The following AS3MT variants were observed in gnomAD, a reference collection of about 807,000 sequenced individuals.
AS3MT encodes the protein arsenite methyltransferase.
In AS3MT, 47 loss-of-function variants were observed where a neutral mutation model predicts 45.3. That is an observed-to-expected ratio of 1.04 (90% confidence interval 0.82 to 1.32). The LOEUF (loss-of-function observed/expected upper bound fraction) is 1.32. Ranked by LOEUF, AS3MT falls within the 40% of genes most tolerant of loss-of-function variation. AS3MT has a pLI of 0.00. For synonymous variants in AS3MT, 141 were observed against 152.8 expected, an observed-to-expected ratio of 0.92 and a Z score of 0.57; for missense variants, 396 against 451.1, an observed-to-expected ratio of 0.88 and a Z score of 1.11.
At chr10:102,885,089 C>G (rs1590224849) in intron 9 of AS3MT, among the ~76,000 whole-genome samples, 1 of 152,150 alleles carries the variant, frequency 6.6e-6, no homozygotes, top group African/African-American at 2.4e-5. Flanking sequence ...GGTCTTATTT[C>G]TTCTTATTAA....
Position 102,870,201 on chromosome 10 carries a change from G to A in AS3MT, c.160G>A (p.Val54Ile). The A allele has an allele frequency of 6.2e-7, 1 of 1,614,186 alleles. No individual in the cohort carries two copies. The highest frequency in any genetic ancestry group is 8.5e-7 in the Non-Finnish European group (1 of 1,180,030). Residue 54 changes from valine (V) to isoleucine (I), a missense_variant, in exon 3 of 11, where the codon GTA becomes ATA. Physicochemically the swap from Val to Ile is conservative, Grantham distance 29. Coordinates refer to ENST00000369880, the MANE Select transcript of AS3MT (RefSeq NM_020682.4). ...AGCCTTGCAAAATGTACACGAAGAA[G>A]TAGCCCTAAGGTAGAGTGCCCTGTG... ...REALQNVHEE[V>I]ALRYYGCGLV...
intron 9 of AS3MT, among the ~76,000 whole-genome samples, chr10:102,889,842 A>AT (rs1341533276): frequency 2.0e-5 from 3 of 151,348 alleles, no homozygotes; most frequent in Non-Finnish European, 2.9e-5. Flanking sequence ...TACCCAGCTA[A>AT]TTTTTTTGTA....
At chr10:102,880,439 C>A (rs1844855019) in intron 9 of AS3MT, among the ~76,000 whole-genome samples, 1 of 152,120 alleles carries the variant, frequency 6.6e-6, no homozygotes, top group Admixed American at 6.6e-5. Flanking sequence ...TCCTATCATA[C>A]CATGATTTAG....
chr10:102,888,881 A>ATATTTTTT (rs1491503446), intron 9 of AS3MT, among the ~76,000 whole-genome samples: 19 of 52,520 alleles, frequency 3.6e-4, no homozygotes, highest in African/African-American at 7.0e-4. Flanking sequence ...ATATATATAT[A>ATATTTTTT]TTTTTTTTTT....
At chr10:102,886,221 G>C (rs1214970305) in intron 9 of AS3MT, among the ~76,000 whole-genome samples, 1 of 151,150 alleles carries the variant, frequency 6.6e-6, no homozygotes, top group Admixed American at 6.6e-5. Flanking sequence ...TGCTTTTATA[G>C]TTCCCTCATG....
chr10:102,900,311 C>T (rs10786722), intron 10 of AS3MT, among the ~76,000 whole-genome samples: 45,510 of 152,042 alleles, frequency 0.3, 7,065 homozygotes, highest in East Asian at 0.47. Flanking sequence ...CAAATGACAA[C>T]CCCACAAAAC....
At chr10:102,882,935 T>C (rs1590223577) in intron 9 of AS3MT, among the ~76,000 whole-genome samples, 1 of 152,052 alleles carries the variant, frequency 6.6e-6, no homozygotes, top group Admixed American at 6.6e-5. Flanking sequence ...GTGGAGCCCT[T>C]AATGCTTTTC....
intron 9 of AS3MT, among the ~76,000 whole-genome samples, chr10:102,889,148 C>T (rs925523824): frequency 1.3e-5 from 2 of 151,992 alleles, no homozygotes; most frequent in East Asian, 3.9e-4. Context: ...CCTCGGCCTC[C>T]CAAAGTGCTG....
Position 102,869,860 on chromosome 10 carries a change from G to T in AS3MT, c.42+15G>T, listed in dbSNP as rs767408033. ...AGGACGTGCAGGTGAGAGCTGTAGG[G>T]CCTGGAATGGCCCAAGTGGAGCCTA... On this transcript the variant is annotated intron_variant, in intron 2 of 10. Coordinates refer to ENST00000369880, the MANE Select transcript of AS3MT (RefSeq NM_020682.4). The T allele has an allele frequency of 1.2e-6, 2 of 1,613,648 alleles. No homozygotes were observed. Among genetic ancestry groups the T allele is most frequent in the East Asian group, 2.2e-5 (1 of 44,884 alleles).
Position 102,901,092 on chromosome 10 carries a change from C to CAAAAAAAAAAAA in AS3MT, c.*400_*411dup, listed in dbSNP as rs370301616. ...ACAGAGCAAGACTCTGTCTCAAAAG[C>CAAAAAAAAAAAA]AAAAAAAAAAAAAAAAAAAGAAAGA... On this transcript the variant is annotated 3_prime_UTR_variant, in exon 11 of 11. Transcript: ENST00000369880. 3 of 75,808 alleles carry CAAAAAAAAAAAA rather than the reference C, an allele frequency of 4.0e-5. No individual in the cohort carries two copies. The highest frequency in any genetic ancestry group is 1.1e-4 in the African/African-American group (2 of 18,816). 4.7% of individuals were successfully genotyped at this position (75,808 alleles called of 1,614,324 possible). A position where few individuals can be genotyped will look rare whatever the true frequency, so the allele number is the denominator to read the frequency against.
chr10:102,885,337 T>A (rs1265984300), intron 9 of AS3MT, among the ~76,000 whole-genome samples: 1 of 151,354 alleles, frequency 6.6e-6, no homozygotes, highest in African/African-American at 2.4e-5. Context: ...TTATTTTATT[T>A]TATTTTTTTG....
rs2134138269 is a variant in AS3MT, at chr10:102,901,675, G to A, written c.*975G>A. ...AAGGCATCAGAAGAAGTAACAGTTG[G>A]CAGAGGGTCTCAGGAAAAACATCTT... On this transcript the variant is annotated 3_prime_UTR_variant, in exon 11 of 11. Transcript: ENST00000369880. 1 of 152,234 alleles carries A rather than the reference G, an allele frequency of 6.6e-6. No individual in the cohort carries two copies. The highest frequency in any genetic ancestry group is 2.1e-4 in the South Asian group (1 of 4,826). 9.4% of individuals were successfully genotyped at this position (152,234 alleles called of 1,614,324 possible).
At chr10:102,879,226 C>CAT (rs1844835577) in intron 9 of AS3MT, among the ~76,000 whole-genome samples, 1 of 152,144 alleles carries the variant, frequency 6.6e-6, no homozygotes, top group Non-Finnish European at 1.5e-5. Context: ...GTAGCACAAT[C>CAT]ATAGTTCACT....
In AS3MT at chr10:102,890,468, G is replaced by A. The variant is rs1181480880; in HGVS notation, c.886-76G>A. On this transcript the variant is annotated intron_variant, in intron 9 of 10. Coordinates refer to ENST00000369880, the MANE Select transcript of AS3MT (RefSeq NM_020682.4). ...GTGCTGGTGAGGATGTGGAGAAAAC[G>A]ATACTTCTGGGCATTTTTTCTTCTA... 1.0e-5 allele frequency: 13 copies of A among 1,276,634 alleles called. No homozygotes were observed. In the Admixed American group the frequency reaches 1.2e-4, roughly 12 times the overall value. 79.1% of individuals were successfully genotyped at this position (1,276,634 alleles called of 1,614,324 possible).
At chr10:102,870,046 C>G in intron 2 of AS3MT, 38 bp from the exon 3 acceptor site, 1 of 1,605,284 alleles carries the variant, frequency 6.2e-7, no homozygotes, top group Non-Finnish European at 8.5e-7. Context: ...GCTCTTCTCC[C>G]TCTCTACCCC....
intron 10 of AS3MT, among the ~76,000 whole-genome samples, chr10:102,891,948 CAAAAAAAAAAAA>C (rs57594880): frequency 6.9e-5 from 4 of 57,844 alleles, no homozygotes; most frequent in African/African-American, 6.9e-5. Context: ...GACTCTGTCT[CAAAAAAAAAAAA>C]AAAAAAAAAA....
chr10:102,869,794 G>T lies in AS3MT; in HGVS notation c.2-11G>T, dbSNP rs1343118174. On this transcript the variant is annotated splice_polypyrimidine_tract_variant and intron_variant, in intron 1 of 10. Coordinates refer to ENST00000369880, the MANE Select transcript of AS3MT (RefSeq NM_020682.4). ...CCCTCTCCTTTCAACTAACTTTCCC[G>T]CTCCCGACAGTGGCTGCACTTCGTG... 15 of 1,613,944 alleles carry T rather than the reference G, an allele frequency of 9.3e-6. No individual in the cohort carries two copies. The highest frequency in any genetic ancestry group is 1.7e-5 in the Admixed American group (1 of 60,016).
chr10:102,876,951 C>T lies in AS3MT; in HGVS notation c.529-3C>T, dbSNP rs778669383. ...TGTTTGGACTAATATGCCTCTGTTT[C>T]AGCATGGTGGGGAGTTATATTTCAG... On this transcript the variant is annotated splice_region_variant and splice_polypyrimidine_tract_variant and intron_variant, in intron 6 of 10. Transcript: ENST00000369880. The T allele has an allele frequency of 9.3e-6, 15 of 1,614,010 alleles. No individual in the cohort carries two copies. The South Asian group carries it at 1.4e-4, about 15-fold the overall frequency.
rs200487609 is a variant in AS3MT, at chr10:102,872,519, G to T, written c.242G>T (p.Ser81Ile). 15 of 1,614,112 alleles carry T rather than the reference G, an allele frequency of 9.3e-6. No individual in the cohort carries two copies. In the African/African-American group the frequency reaches 1.9e-4, roughly 20 times the overall value. Residue 81 changes from serine to isoleucine, a missense_variant, in exon 4 of 11, where the codon AGT (serine) becomes ATT (isoleucine). Transcript: ENST00000369880. ...NCWILDLGSG[S>I]GRDCYVLSQL... is the part of the protein sequence containing the mutation. ...TGGATTTTGGATCTGGGTAGTGGAA[G>T]TGGCAGAGATTGCTATGTACTTAGC...
Sources: allele counts gnomAD v4.1 joint callset (sites outside exome capture counted in the v4.1 genomes callset), GRCh38; gene constraint gnomAD v4.1.1; transcripts MANE v1.5; gene names NCBI Gene and HGNC (gene_info 2026-07-23, HGNC 2026-07-21).